The following MSLN variants were observed in gnomAD, a reference collection of about 807,000 sequenced individuals.
MSLN encodes the protein CAK1 antigen.
MSLN carries 82 observed loss-of-function variants against 72.6 expected under a neutral mutation model. That is an observed-to-expected ratio of 1.13 (90% CI 0.94 to 1.36). MSLN has a LOEUF of 1.36. MSLN is among the 40% of genes most tolerant of loss of function. The pLI is 0.00. For missense variants in MSLN, 1,005 were observed against 847.9 expected (o/e 1.19, Z -2.30); for synonymous variants, 456 against 387.3 (o/e 1.18, Z -2.08).
intron 3 of MSLN, among the ~76,000 whole-genome samples, chr16:762,968 G>A (rs1298642496): frequency 1.3e-5 from 2 of 152,214 alleles, no homozygotes; most frequent in Admixed American, 1.3e-4. Flanking sequence ...CAGTGGGGAT[G>A]TCTGTGGGAT....
intron 5 of MSLN, 134 bp from the exon 6 acceptor site, chr16:763,889 C>T: frequency 2.3e-6 from 3 of 1,320,228 alleles, no homozygotes; most frequent in Non-Finnish European, 3.1e-6. Context: ...AGGGCGTCAC[C>T]TGGTCTTGGG....
rs1240891693 is a variant in MSLN at position 766,705 on chromosome 16, G to A, written c.1268G>A (p.Gly423Asp). The A allele has an allele frequency of 1.2e-6, 2 of 1,612,474 alleles. No individual in the cohort carries two copies. Among genetic ancestry groups the A allele is most frequent in the African/African-American group, 2.7e-5 (2 of 74,894 alleles). The change falls in exon 14 of 18, where the codon GGC becomes GAC. Residue 423 changes from glycine (G) to aspartate (D), a missense_variant. By Grantham distance (94) the Gly-to-Asp change is moderately conservative. Transcript: ENST00000545450. ...ATCGACCGCTTTGTGAAGGGAAGGG[G>A]CCAGCTAGACAAAGACACCCTAGAC... ...TLIDRFVKGR[G>D]QLDKDTLDTL...
chr16:768,354 G>A (rs755904862), intron 16 of MSLN, 25 bp from the exon 17 acceptor site: 2 of 1,501,138 alleles, frequency 1.3e-6, no homozygotes, highest in Non-Finnish European at 1.8e-6. Flanking sequence ...GACCCTCCTT[G>A]ATGGCTGCCC....
At position 765,567 on chromosome 16, in the gene MSLN, CG is replaced by C; in HGVS notation, c.749del (p.Gly250AlafsTer62). On this transcript the variant is annotated frameshift_variant, in exon 10 of 18. Coordinates refer to ENST00000545450, the MANE Select transcript of MSLN (RefSeq NM_005823.6). LOFTEE classifies it high-confidence loss of function. ...TWSVSTMDAL[R>X]GLLPVLGQPI... ...GTCTGTCTCCACGATGGACGCTCTGCGGGGCCTGCTGCCCGTGCTGGGCCAG... is the reference window on the plus strand; with the variant it reads ...GTCTGTCTCCACGATGGACGCTCTGCGGGCCTGCTGCCCGTGCTGGGCCAG... 6.2e-7 allele frequency: 1 copy of C among 1,606,612 alleles called. No individual in the cohort carries two copies.
chr16:766,746 T>A lies in MSLN; in HGVS notation c.1309T>A (p.Tyr437Asn). ...CACCCTAGACACCCTGACCGCCTTC[T>A]ACCCTGGGTACCTGTGCTCCCTCAG... ...KDTLDTLTAF[Y>N]PGYLCSLSPE... The change falls in exon 14 of 18, where the codon TAC (tyrosine) becomes AAC (asparagine). Residue 437 changes from tyrosine to asparagine, a missense_variant. Physicochemically the swap from Tyr to Asn is moderately radical, Grantham distance 143. Coordinates refer to ENST00000545450, the MANE Select transcript of MSLN (RefSeq NM_005823.6). The A allele has an allele frequency of 6.2e-7, 1 of 1,612,614 alleles. No individual in the cohort carries two copies.
At position 765,561 on chromosome 16, in the gene MSLN, G is replaced by C; in HGVS notation, c.739G>C (p.Ala247Pro). ...PSTWSVSTMD[A>P]LRGLLPVLGQ... ...GACATGGTCTGTCTCCACGATGGAC[G>C]CTCTGCGGGGCCTGCTGCCCGTGCT... is the stretch of plus-strand genomic sequence containing the variant. Residue 247 changes from alanine to proline, a missense_variant, in exon 10 of 18, where the codon GCT (alanine) becomes CCT (proline). Transcript: ENST00000545450. 6.2e-7 allele frequency: 1 copy of C among 1,606,706 alleles called. No individual in the cohort carries two copies. Among genetic ancestry groups the C allele is most frequent in the African/African-American group, 1.3e-5 (1 of 75,026 alleles).
intron 7 of MSLN, 52 bp from the exon 8 acceptor site, chr16:764,855 G>T (rs2041583470): frequency 1.2e-6 from 2 of 1,600,440 alleles, no homozygotes; most frequent in South Asian, 1.1e-5. Flanking sequence ...GCCTCTCAGG[G>T]TGGGGACGGG....
In MSLN at chr16:765,677, C is replaced by T. The variant is rs762521875; in HGVS notation, c.796-14C>T. 17 of 1,600,266 alleles carry T rather than the reference C, an allele frequency of 1.1e-5. No homozygotes were observed. In the South Asian group the frequency reaches 1.2e-4, roughly 11 times the overall value. ...GGCCACCCGAGGCTCAGCCCAGGTC[C>T]TGCTCGTCCTCAGGGCATCGTGGCC... On this transcript the variant is annotated splice_polypyrimidine_tract_variant and intron_variant, in intron 10 of 17. Coordinates refer to ENST00000545450, the MANE Select transcript of MSLN (RefSeq NM_005823.6).
chr16:766,308 G>A (rs2041607731), intron 12 of MSLN, 27 bp from the exon 13 acceptor site: 2 of 1,611,820 alleles, frequency 1.2e-6, no homozygotes, highest in Non-Finnish European at 1.7e-6. Flanking sequence ...GGAGTGACAT[G>A]GGCCCTCCTG....
intron 16 of MSLN, 87 bp from the exon 17 acceptor site, chr16:768,292 C>G: frequency 7.4e-7 from 1 of 1,356,108 alleles, no homozygotes. Context: ...GTGGGTGGGG[C>G]AGTTTGGACA....
rs2151619412 is a variant in MSLN, at chr16:768,376, C to T, written c.1597-3C>T. The T allele has an allele frequency of 6.7e-7, 1 of 1,502,760 alleles. No individual in the cohort carries two copies. The allele number at this position is 1,502,760 out of a possible 1,614,324, so 93.1% of individuals were successfully genotyped here. Reference sequence around the variant, plus strand: ...CTTGATGGCTGCCCGGGGTCTCTGGCAGCCGTTGACTGTGGCTGAGGTGCA... The same window carrying T: ...CTTGATGGCTGCCCGGGGTCTCTGGTAGCCGTTGACTGTGGCTGAGGTGCA... On this transcript the variant is annotated splice_polypyrimidine_tract_variant and splice_region_variant and intron_variant, in intron 16 of 17. Coordinates refer to ENST00000545450, the MANE Select transcript of MSLN (RefSeq NM_005823.6).
intron 16 of MSLN, 134 bp from the exon 17 acceptor site, chr16:768,245 A>T: frequency 3.5e-6 from 3 of 849,406 alleles, no homozygotes; most frequent in Admixed American, 3.1e-5. Flanking sequence ...AGCTGGCCGG[A>T]GACCTCCGAA....
In MSLN at chr16:764,779, C is replaced by A. The variant is rs2041582484; in HGVS notation, c.380+53C>A. 3.8e-6 allele frequency: 6 copies of A among 1,574,304 alleles called. No individual in the cohort carries two copies. The Admixed American group carries it at 8.6e-5, about 23-fold the overall frequency. ...CCCGGCTTTTGCCGCCAGCCCTCAG[C>A]CCCCAACCCCCTGCCCCTTGCCTCG... On this transcript the variant is annotated intron_variant, in intron 7 of 17. Coordinates refer to ENST00000545450, the MANE Select transcript of MSLN (RefSeq NM_005823.6).
Position 767,297 on chromosome 16 carries a change from T to C in MSLN, c.1502-79T>C, listed in dbSNP as rs540887766. On this transcript the variant is annotated intron_variant, in intron 15 of 17. Transcript: ENST00000545450. ...AAAAAGGGAAGCCCTGTAAGGCAAG[T>C]GGGCTTCCTGCAGCCTGTGGTCAAG... 3.3e-4 allele frequency: 444 copies of C among 1,336,728 alleles called. 1 individual carries two copies. The highest frequency in any genetic ancestry group is 6.5e-4 in the Middle Eastern group (3 of 4,638). The allele number at this position is 1,336,728 out of a possible 1,614,324, so 82.8% of individuals were successfully genotyped here. A position where few individuals can be genotyped will look rare whatever the true frequency, so the allele number is the denominator to read the frequency against.
rs1157373942 is a variant in MSLN, at chr16:765,050, C to T, written c.510+14C>T. 6.2e-7 allele frequency: 1 copy of T among 1,610,296 alleles called. No homozygotes were observed. The highest frequency in any genetic ancestry group is 8.5e-7 in the Non-Finnish European group (1 of 1,178,772). ...CTGGCCTGCTGGGTAGGGGCTGGGG[C>T]CAGCGCGGGGCGGAGAGGGCTCGGC... On this transcript the variant is annotated intron_variant, in intron 8 of 17. Coordinates refer to ENST00000545450, the MANE Select transcript of MSLN (RefSeq NM_005823.6).
chr16:768,406 C>G lies in MSLN; in HGVS notation c.1624C>G (p.Leu542Val). The G allele has an allele frequency of 1.3e-6, 2 of 1,512,246 alleles. No homozygotes were observed. Among genetic ancestry groups the G allele is most frequent in the Non-Finnish European group, 1.8e-6 (2 of 1,128,884 alleles). 93.7% of individuals were successfully genotyped at this position (1,512,246 alleles called of 1,614,324 possible). The change falls in exon 17 of 18, where the codon CTT becomes GTT. Residue 542 changes from leucine (L) to valine (V), a missense_variant. Leu to Val is a conservative substitution (Grantham distance 32). Coordinates refer to ENST00000545450, the MANE Select transcript of MSLN (RefSeq NM_005823.6). The part of the protein sequence containing the change: ...LPLTVAEVQK[L>V]LGPHVEGLKA... ...GTTGACTGTGGCTGAGGTGCAGAAA[C>G]TTCTGGGACCCCACGTGGAGGGCCT...
At chr16:761,597 G>C (rs1038830486) in intron 2 of MSLN, among the ~76,000 whole-genome samples, 1 of 151,572 alleles carries the variant, frequency 6.6e-6, no homozygotes, top group African/African-American at 2.4e-5. Context: ...CCCAAGGGCT[G>C]GGGGTCCCAC....
chr16:768,684 G>A lies in MSLN; in HGVS notation c.1820G>A (p.Gly607Glu), dbSNP rs762233348. 5 of 1,611,004 alleles carry A rather than the reference G, an allele frequency of 3.1e-6. No individual in the cohort carries two copies. The highest frequency in any genetic ancestry group is 1.7e-4 in the Middle Eastern group (1 of 6,056). Residue 607 changes from glycine to glutamate, a missense_variant, in exon 18 of 18, where the codon GGA becomes GAA. By Grantham distance (98) the Gly-to-Glu change is moderately conservative. Coordinates refer to ENST00000545450, the MANE Select transcript of MSLN (RefSeq NM_005823.6). ...LSGTPCLLGPGPVLTVLALLL... is the reference protein window; with the variant it reads ...LSGTPCLLGPEPVLTVLALLL... ...GGGACGCCCTGCCTCCTAGGACCTG[G>A]ACCTGTTCTCACCGTCCTGGCACTG...
chr16:764,772 C>T (rs1362132918), intron 7 of MSLN, 46 bp downstream of exon 7: 2 of 1,578,172 alleles, frequency 1.3e-6, no homozygotes, highest in Admixed American at 1.7e-5. Context: ...TTGCCGCCAG[C>T]CCTCAGCCCC....
Sources: allele counts gnomAD v4.1 joint callset (sites outside exome capture counted in the v4.1 genomes callset), GRCh38; gene constraint gnomAD v4.1.1; transcripts MANE v1.5; gene names NCBI Gene and HGNC (gene_info 2026-07-23, HGNC 2026-07-21).